COQ7: variants seen among roughly 807,000 people sequenced by gnomAD.
The protein encoded by COQ7 is NADPH-dependent 3-demethoxyubiquinone 3-hydroxylase, mitochondrial.
COQ7 carries 21 observed loss-of-function variants against 25.0 expected under a neutral mutation model. That is an observed-to-expected ratio of 0.84 (90% CI 0.60 to 1.21). The LOEUF (loss-of-function observed/expected upper bound fraction) is 1.21. COQ7 is among the 50% of genes most tolerant of loss of function. The probability of loss-of-function intolerance (pLI) is 0.00; values close to 1 mark genes in which losing one functional copy is unlikely to be tolerated. For synonymous variants in COQ7, 125 were observed against 112.4 expected, an observed-to-expected ratio of 1.11 and a Z score of -0.71; for missense variants, 311 against 296.2, an observed-to-expected ratio of 1.05 and a Z score of -0.37.
At chr16:19,073,679 C>T (rs1274319537) in intron 2 of COQ7, among the ~76,000 whole-genome samples, 3 of 152,196 alleles carry the variant, frequency 2.0e-5, no homozygotes, top group Non-Finnish European at 4.4e-5. Flanking sequence ...GCAACCATGG[C>T]TCATGGCAGT....
In COQ7 at chr16:19,079,425, A is replaced by G. The variant is rs1285977626; in HGVS notation, c.*1267A>G. 6.6e-6 allele frequency: 1 copy of G among 151,888 alleles called. No homozygotes were observed. Among genetic ancestry groups the G allele is most frequent in the East Asian group, 1.9e-4 (1 of 5,194 alleles). 9.4% of individuals were successfully genotyped at this position (151,888 alleles called of 1,614,324 possible). On this transcript the variant is annotated 3_prime_UTR_variant, in exon 6 of 6. Coordinates refer to ENST00000321998, the MANE Select transcript of COQ7 (RefSeq NM_016138.5). ...CCCCCAAAAAAATCCCCCAAAACTG[A>G]TTCAGATTTTCATACTTTAATGAAA...
At position 19,075,792 on chromosome 16, in the gene COQ7, C is replaced by T; in HGVS notation, c.439C>T (p.His147Tyr). 2 of 1,613,602 alleles carry T rather than the reference C, an allele frequency of 1.2e-6. No homozygotes were observed. Among genetic ancestry groups the T allele is most frequent in the Non-Finnish European group, 1.7e-6 (2 of 1,179,698 alleles). Reference protein sequence around the residue: ...CTVAVEESIAHHYNNQIRTLM... With the variant: ...CTVAVEESIAYHYNNQIRTLM... ...CGTGGCGGTGGAAGAGAGCATAGCACATCACTACAACAACCAGATCAGGAC... is the reference window on the plus strand; with the variant it reads ...CGTGGCGGTGGAAGAGAGCATAGCATATCACTACAACAACCAGATCAGGAC... Residue 147 changes from histidine to tyrosine, a missense_variant, in exon 4 of 6, where the codon CAT becomes TAT. Coordinates refer to ENST00000321998, the MANE Select transcript of COQ7 (RefSeq NM_016138.5).
intron 2 of COQ7, among the ~76,000 whole-genome samples, chr16:19,073,029 G>T (rs1962643295): frequency 6.6e-6 from 1 of 152,126 alleles, no homozygotes; most frequent in African/African-American, 2.4e-5. Flanking sequence ...AAATTAGCTG[G>T]GTGCAATGGC....
downstream of COQ7, among the ~76,000 whole-genome samples, chr16:19,082,502 T>G (rs1194293476): frequency 6.6e-6 from 1 of 151,362 alleles, no homozygotes; most frequent in Non-Finnish European, 1.5e-5. Context: ...AAAAAAAGTT[T>G]AGGCCAGTTG....
intron 3 of COQ7, among the ~76,000 whole-genome samples, chr16:19,075,024 C>G (rs1344114524): frequency 6.6e-6 from 1 of 152,040 alleles, no homozygotes; most frequent in Non-Finnish European, 1.5e-5. Flanking sequence ...ATACTCACCC[C>G]AAATGCTGAC....
intron 2 of COQ7, among the ~76,000 whole-genome samples, chr16:19,073,496 A>T (rs1300186757): frequency 6.6e-6 from 1 of 152,168 alleles, no homozygotes; most frequent in Non-Finnish European, 1.5e-5. Flanking sequence ...CTGTCTGGAA[A>T]CAAACAAACC....
chr16:19,076,053 A>C (rs1192928047), intron 4 of COQ7, among the ~76,000 whole-genome samples, 193 bp downstream of exon 4: 1 of 152,134 alleles, frequency 6.6e-6, no homozygotes, highest in Non-Finnish European at 1.5e-5. Context: ...TACAGCACAG[A>C]CAGAGCTGGG....
At chr16:19,074,456 T>G (rs984440028) in intron 3 of COQ7, among the ~76,000 whole-genome samples, 1 of 151,438 alleles carries the variant, frequency 6.6e-6, no homozygotes, top group Non-Finnish European at 1.5e-5. Flanking sequence ...ACCTGGGAGC[T>G]GGAGGTTGCA....
chr16:19,069,064 A>G (rs1286075834), intron 1 of COQ7, among the ~76,000 whole-genome samples: 4 of 152,222 alleles, frequency 2.6e-5, no homozygotes, highest in Admixed American at 1.3e-4. Flanking sequence ...ACCCCTTACT[A>G]CATGGGGTTA....
At chr16:19,071,687 G>C (rs1055322860) in intron 1 of COQ7, 3 of 513,426 alleles carry the variant, frequency 5.8e-6, no homozygotes, top group African/African-American at 5.8e-5. Context: ...TAACTGCCTG[G>C]TAAGAAGGTA....
rs1228584552 is a variant in COQ7, at chr16:19,077,347, C to T, written c.549C>T (p.Asp183=). ...KFRDEELEHH[D]IGLDHDAELA... is the part of the protein sequence containing the mutation. Reference sequence around the variant, plus strand: ...GGGATGAAGAGCTTGAGCACCATGACATAGGCCTCGACCATGATGCAGAAT... The same window carrying T: ...GGGATGAAGAGCTTGAGCACCATGATATAGGCCTCGACCATGATGCAGAAT... Residue 183 remains aspartate (D), a synonymous_variant, in exon 5 of 6, where the codon GAC becomes GAT. Coordinates refer to ENST00000321998, the MANE Select transcript of COQ7 (RefSeq NM_016138.5). 1.9e-6 allele frequency: 3 copies of T among 1,614,024 alleles called. No individual in the cohort carries two copies. The highest frequency in any genetic ancestry group is 2.5e-6 in the Non-Finnish European group (3 of 1,180,040).
At position 19,073,993 on chromosome 16, in the gene COQ7, A is replaced by C. The variant is rs373106255; in HGVS notation, c.325A>C (p.Thr109Pro). 4 of 1,613,598 alleles carry C rather than the reference A, an allele frequency of 2.5e-6. No homozygotes were observed. In the Admixed American group the frequency reaches 5.0e-5, roughly 20 times the overall value. The change falls in exon 3 of 6, where the codon ACA becomes CCA. Residue 109 changes from threonine to proline, a missense_variant. Thr to Pro is a conservative substitution (Grantham distance 38). Transcript: ENST00000321998. The part of the protein sequence containing the change: ...ELMVTFRVRP[T>P]VLMPLWNVLG... ...GATGGTTACGTTCAGGGTCCGGCCA[A>C]CAGTTCTGATGCCCTTGTGGAACGT... is the stretch of plus-strand genomic sequence containing the variant.
At chr16:19,075,281 C>T (rs530311881) in intron 3 of COQ7, among the ~76,000 whole-genome samples, 54 of 149,136 alleles carry the variant, frequency 3.6e-4, no homozygotes, top group African/African-American at 1.3e-3. Flanking sequence ...TGGCTCACTG[C>T]AACCTCCACC....
chr16:19,069,557 T>G (rs1962444802), intron 1 of COQ7, among the ~76,000 whole-genome samples: 1 of 151,398 alleles, frequency 6.6e-6, no homozygotes, highest in Non-Finnish European at 1.5e-5. Context: ...GCTGCATGCA[T>G]GCACCACCAC....
chr16:19,071,931 A>AAC lies in COQ7; in HGVS notation c.77_78insAC (p.Tyr26Ter). ...RPGARRSLSA[Y>*]GRRTSVRFRS... The stretch of plus-strand genomic sequence containing the variant: ...AGAATAAACACTTGCATTTCAGCTT[A>AAC]TGGAAGAAGAACCAGTGTCAGATTT... The change falls in exon 2 of 6, where the codon TAT becomes TAACT. Residue 26 changes from tyrosine (Y) to a stop codon, truncating the protein, a stop_gained and frameshift_variant. Transcript: ENST00000321998. LOFTEE classifies it high-confidence loss of function. The AAC allele has an allele frequency of 6.2e-7, 1 of 1,614,224 alleles. No individual in the cohort carries two copies. The highest frequency in any genetic ancestry group is 8.5e-7 in the Non-Finnish European group (1 of 1,180,028).
chr16:19,071,111 T>A (rs935305701), intron 1 of COQ7, among the ~76,000 whole-genome samples: 11 of 151,230 alleles, frequency 7.3e-5, no homozygotes, highest in African/African-American at 1.7e-4. Context: ...GTGGGGTTTT[T>A]AATTTTTTTT....
Position 19,078,133 on chromosome 16 carries a change from C to T in COQ7, c.629C>T (p.Ala210Val), listed in dbSNP as rs188968280. 1.7e-5 allele frequency: 28 copies of T among 1,610,982 alleles called. No individual in the cohort carries two copies. Among genetic ancestry groups the T allele is most frequent in the East Asian group, 9.0e-5 (4 of 44,564 alleles). The change falls in exon 6 of 6, where the codon GCG becomes GTG. Residue 210 changes from alanine to valine, a missense_variant. Coordinates refer to ENST00000321998, the MANE Select transcript of COQ7 (RefSeq NM_016138.5). ...ATTATCCAGGCCGGATGCAGAGTGG[C>T]GATATATTTATCAGAAAGATTATAA... ...KSIIQAGCRV[A>V]IYLSERL
chr16:19,072,208 G>T, intron 2 of COQ7, 102 bp downstream of exon 2: 1 of 1,405,118 alleles, frequency 7.1e-7, no homozygotes. Context: ...CTAGGGAGAT[G>T]CCATTGTCTC....
intron 2 of COQ7, 86 bp downstream of exon 2, chr16:19,072,192 C>A: frequency 6.6e-7 from 1 of 1,518,674 alleles, no homozygotes; most frequent in Non-Finnish European, 9.0e-7. Context: ...GGAGGTCAAG[C>A]GTTCCCTAGG....
Sources: gnomAD v4.1 joint callset for allele counts (sites outside exome capture counted in the v4.1 genomes callset) on GRCh38, gnomAD v4.1.1 for gene constraint, MANE v1.5 for transcripts, NCBI Gene and HGNC (gene_info 2026-07-23, HGNC 2026-07-21) for gene names.